The following UNC13D variants were observed in gnomAD, a reference collection of about 807,000 sequenced individuals.
UNC13D encodes the protein unc-13 homolog D.
Under a neutral mutation model 151.7 loss-of-function variants are expected in UNC13D, and 115 were observed. The ratio of observed to expected loss-of-function variants is 0.76; its 90% CI spans 0.65 to 0.88. The LOEUF (loss-of-function observed/expected upper bound fraction) is 0.88. Among genes scored for constraint, UNC13D ranks in the 40% least tolerant of loss-of-function variants. The pLI is 0.00. For synonymous variants in UNC13D, 588 were observed against 612.2 expected, an observed-to-expected ratio of 0.96 and a Z score of 0.58; for missense variants, 1,369 against 1,438.7, an observed-to-expected ratio of 0.95 and a Z score of 0.78.
At position 75,831,114 on chromosome 17, in the gene UNC13D, T is replaced by A; in HGVS notation, c.2609A>T (p.His870Leu). 6.2e-7 allele frequency: 1 copy of A among 1,613,974 alleles called. No homozygotes were observed. Among genetic ancestry groups the A allele is most frequent in the Non-Finnish European group, 8.5e-7 (1 of 1,180,026 alleles). Residue 870 changes from histidine (H) to leucine (L), a missense_variant, in exon 27 of 32, where the codon CAC becomes CTC. Around this residue, in one of 3 missense-constraint regions of UNC13D, gnomAD observed 807 missense variants for 795.5 expected, o/e 1.01. Transcript: ENST00000207549. ...AGCCCCTACCTGGAAGGTGGCAGTGTGCAGGGCCTTGGGTGGCAGGCCACA... is the reference window on the plus strand; with the variant it reads ...AGCCCCTACCTGGAAGGTGGCAGTGAGCAGGGCCTTGGGTGGCAGGCCACA... ...EGCGLPPKAL[H>L]TATFQALQRD...
At position 75,839,823 on chromosome 17, in the gene UNC13D, A is replaced by G. The variant is rs1453861468; in HGVS notation, c.1055+16T>C. ...GGCTGGTGGCTCAGGGGTTCTGCCCAGGGCTGTGTACTCACGCCATGGACT... is the reference window on the plus strand; with the variant it reads ...GGCTGGTGGCTCAGGGGTTCTGCCCGGGGCTGTGTACTCACGCCATGGACT... On this transcript the variant is annotated intron_variant, in intron 12 of 31. Transcript: ENST00000207549. The G allele has an allele frequency of 6.2e-7, 1 of 1,612,962 alleles. No homozygotes were observed. The highest frequency in any genetic ancestry group is 8.5e-7 in the Non-Finnish European group (1 of 1,179,732).
rs940690974 is a variant in UNC13D at position 75,830,950 on chromosome 17, T to C, written c.2625+148A>G. Reference sequence around the variant, plus strand: ...GTTTCAGGTTCTGTCGTCACCGTTCTAAAATTTGTAATAACTTTTGAATAA... The same window carrying C: ...GTTTCAGGTTCTGTCGTCACCGTTCCAAAATTTGTAATAACTTTTGAATAA... On this transcript the variant is annotated intron_variant, in intron 27 of 31. Coordinates refer to ENST00000207549, the MANE Select transcript of UNC13D (RefSeq NM_199242.3). The C allele has an allele frequency of 7.3e-6, 8 of 1,092,998 alleles. No individual in the cohort carries two copies. The African/African-American group carries it at 1.3e-4, about 18-fold the overall frequency. 67.7% of individuals were successfully genotyped at this position (1,092,998 alleles called of 1,614,324 possible). A position where few individuals can be genotyped will look rare whatever the true frequency, so the allele number is the denominator to read the frequency against.
chr17:75,828,028 A>T lies in UNC13D; in HGVS notation c.3210T>A (p.Phe1070Leu), dbSNP rs1257634826. 3.1e-6 allele frequency: 5 copies of T among 1,589,448 alleles called. No homozygotes were observed. In the South Asian group the frequency reaches 5.7e-5, roughly 18 times the overall value. ...TGGCCCGGTGCCGCCGCAGCCTCAC[A>T]AAGACCTGGGCTTCTCGGTCACCCT... ...GRKGDREAQVFVRLRRHRAKQ... is the reference protein window; with the variant it reads ...GRKGDREAQVLVRLRRHRAKQ... The change falls in exon 32 of 32, where the codon TTT becomes TTA. Residue 1070 changes from phenylalanine (F) to leucine (L), a missense_variant. This residue lies in a region of UNC13D where 807 missense variants were observed against 795.5 expected (regional missense o/e 1.01). Coordinates refer to ENST00000207549, the MANE Select transcript of UNC13D (RefSeq NM_199242.3).
In UNC13D at chr17:75,835,492, A is replaced by C; in HGVS notation, c.1765T>G (p.Phe589Val). Residue 589 changes from phenylalanine to valine, a missense_variant, in exon 20 of 32, where the codon TTC (phenylalanine) becomes GTC (valine). Phe to Val is a conservative substitution (Grantham distance 50). This residue lies in a region of UNC13D where 807 missense variants were observed against 795.5 expected (regional missense o/e 1.01). Transcript: ENST00000207549. Reference sequence around the variant, plus strand: ...AGCCAGGAGGGGATGGCCGGCTGGAACCAGCGGTGGAAATTATCCAGGGCC... The same window carrying C: ...AGCCAGGAGGGGATGGCCGGCTGGACCCAGCGGTGGAAATTATCCAGGGCC... ...VLALDNFHRWFQPAIPSWLQK... is the reference protein window; with the variant it reads ...VLALDNFHRWVQPAIPSWLQK... 6.2e-7 allele frequency: 1 copy of C among 1,610,932 alleles called. No individual in the cohort carries two copies. The highest frequency in any genetic ancestry group is 8.5e-7 in the Non-Finnish European group (1 of 1,178,780).
rs2064865797 is a variant in UNC13D, at chr17:75,830,671, C to A, written c.2626-10G>T. 2 of 1,553,248 alleles carry A rather than the reference C, an allele frequency of 1.3e-6. No individual in the cohort carries two copies. The highest frequency in any genetic ancestry group is 2.4e-5 in the South Asian group (2 of 84,280). On this transcript the variant is annotated splice_polypyrimidine_tract_variant and intron_variant, in intron 27 of 31. Coordinates refer to ENST00000207549, the MANE Select transcript of UNC13D (RefSeq NM_199242.3). Reference sequence around the variant, plus strand: ...GGTCCCTCTGCAGAGCCTGGGAACACATACAGCTGAGGATCCACCTGGACT... The same window carrying A: ...GGTCCCTCTGCAGAGCCTGGGAACAAATACAGCTGAGGATCCACCTGGACT...
intron 2 of UNC13D, 41 bp from the exon 3 acceptor site, chr17:75,843,307 C>A: frequency 6.2e-7 from 1 of 1,600,512 alleles, no homozygotes; most frequent in Non-Finnish European, 8.5e-7. Context: ...CACCAGCCAC[C>A]CCTGGCACCA....
chr17:75,830,177 T>C (rs1440593178), intron 29 of UNC13D, 26 bp from the exon 30 acceptor site: 4 of 1,581,094 alleles, frequency 2.5e-6, no homozygotes, highest in African/African-American at 1.4e-5. Context: ...GGAGTGTGCG[T>C]CAGCTGAGGG....
At position 75,836,902 on chromosome 17, in the gene UNC13D, T is replaced by C. The variant is rs570657599; in HGVS notation, c.1072A>G (p.Ser358Gly). ...AACTCCAGGCTCTGGTAGAGGCGGC[T>C]GTAGGCCAGCCACTGCCTGCAGGGG... ...HQSMAQWLAYSRLYQSLEFPS... is the reference protein window; with the variant it reads ...HQSMAQWLAYGRLYQSLEFPS... The change falls in exon 13 of 32, where the codon AGC becomes GGC. Residue 358 changes from serine to glycine, a missense_variant. Ser to Gly is a moderately conservative substitution (Grantham distance 56). Around this residue, in one of 3 missense-constraint regions of UNC13D, gnomAD observed 550 missense variants for 609.0 expected, o/e 0.90. Coordinates refer to ENST00000207549, the MANE Select transcript of UNC13D (RefSeq NM_199242.3). 131 of 1,612,688 alleles carry C rather than the reference T, an allele frequency of 8.1e-5. 2 individuals carry two copies. The South Asian group carries it at 1.3e-3, about 16-fold the overall frequency.
rs111889568 is a variant in UNC13D at position 75,835,556 on chromosome 17, G to C, written c.1728-27C>G. 552 of 1,601,866 alleles carry C rather than the reference G, an allele frequency of 3.4e-4. 3 individuals are homozygous for C. The African/African-American group carries it at 6.2e-3, about 18-fold the overall frequency. ...TGGGGATTGCCGGGGCTCAGCGTCG[G>C]GAAGGCTGGGGCCACCATGGACCCT... On this transcript the variant is annotated intron_variant, in intron 19 of 31. Coordinates refer to ENST00000207549, the MANE Select transcript of UNC13D (RefSeq NM_199242.3).
chr17:75,844,032 G>A, intron 1 of UNC13D, 189 bp downstream of exon 1: 1 of 1,434,068 alleles, frequency 7.0e-7, no homozygotes. Flanking sequence ...GGCCCACAGT[G>A]GCCCAGAGTC....
Position 75,843,259 on chromosome 17 carries a change from AG to A in UNC13D, c.160del (p.Leu54CysfsTer22), listed in dbSNP as rs1363960054. The A allele has an allele frequency of 6.2e-7, 1 of 1,607,162 alleles. No homozygotes were observed. On this transcript the variant is annotated frameshift_variant, in exon 3 of 32. Transcript: ENST00000207549. LOFTEE classifies it high-confidence loss of function. ...SHHFSPEQRA[L>X]LYEDALYTVL... ...AGTGTAGAGTGCGTCCTCGTAGAGC[AG>A]GGCCCGCTAAGACACACGGGGTCAC...
chr17:75,830,353 T>G lies in UNC13D; in HGVS notation c.2830+9A>C. ...CCATGGAGAGTGGCCAAAGGCAGCC[T>G]CCACTCACCATTGGAGTCCAGGGGC... On this transcript the variant is annotated intron_variant, in intron 29 of 31. Coordinates refer to ENST00000207549, the MANE Select transcript of UNC13D (RefSeq NM_199242.3). The G allele has an allele frequency of 6.3e-7, 1 of 1,592,636 alleles. No homozygotes were observed. Among genetic ancestry groups the G allele is most frequent in the South Asian group, 1.1e-5 (1 of 87,800 alleles).
Position 75,842,464 on chromosome 17 carries a change from G to A in UNC13D, c.538C>T (p.Leu180Phe). ...THRTQVITQT[L>F]NPVWDETFIL... ...AAGGTCTCGTCCCAGACGGGGTTGA[G>A]TGTCTGGGTGATGACCTGCGTGCGG... Residue 180 changes from leucine (L) to phenylalanine (F), a missense_variant, in exon 6 of 32, where the codon CTC becomes TTC. Around this residue, in one of 3 missense-constraint regions of UNC13D, gnomAD observed 550 missense variants for 609.0 expected, o/e 0.90. Transcript: ENST00000207549. The A allele has an allele frequency of 1.2e-6, 2 of 1,613,376 alleles. No homozygotes were observed. The highest frequency in any genetic ancestry group is 2.2e-5 in the South Asian group (2 of 91,062).
rs2064903706 is a variant in UNC13D, at chr17:75,835,746, A to T, written c.1628T>A (p.Val543Asp). ...CTCTGGGGACACTACATCACCCACA[A>T]CCGTCGTGTGGTCCTGCACCCGCTT... Reference protein sequence around the residue: ...VAKRVQDHTTVVGDVVSPEMG... With the variant: ...VAKRVQDHTTDVGDVVSPEMG... Residue 543 changes from valine (V) to aspartate (D), a missense_variant, in exon 19 of 32, where the codon GTT becomes GAT. Around this residue, in one of 3 missense-constraint regions of UNC13D, gnomAD observed 807 missense variants for 795.5 expected, o/e 1.01. Coordinates refer to ENST00000207549, the MANE Select transcript of UNC13D (RefSeq NM_199242.3). 3 of 1,613,704 alleles carry T rather than the reference A, an allele frequency of 1.9e-6. No homozygotes were observed. The African/African-American group carries it at 4.0e-5, about 22-fold the overall frequency.
rs984506758 is a variant in UNC13D, at chr17:75,833,543, A to G, written c.2368-498T>C. ...CATAGAGTTAACAGCTATAACTATC[A>G]CTATAGTTATGGATACTCACTATGT... On this transcript the variant is annotated intron_variant, in intron 24 of 31. Coordinates refer to ENST00000207549, the MANE Select transcript of UNC13D (RefSeq NM_199242.3). This position sits in a 1 kb window ranked among gnomAD's most constrained non-coding sequence, Gnocchi z 4.0. Among the ~76,000 whole-genome samples, 1 of 151,972 alleles carries G rather than the reference A, an allele frequency of 6.6e-6. No individual in the cohort carries two copies. Among genetic ancestry groups the G allele is most frequent in the African/African-American group, 2.4e-5 (1 of 41,246 alleles).
Position 75,844,386 on chromosome 17 carries a change from C to G in UNC13D, c.-49G>C. 3.2e-6 allele frequency: 5 copies of G among 1,558,158 alleles called. No homozygotes were observed. Among genetic ancestry groups the G allele is most frequent in the Non-Finnish European group, 4.3e-6 (5 of 1,150,370 alleles). ...GTCCGCTGGTGCTGGGTGAAGACAGCGAAGCCACAGGATTATGCAAAGAGC... is the reference window on the plus strand; with the variant it reads ...GTCCGCTGGTGCTGGGTGAAGACAGGGAAGCCACAGGATTATGCAAAGAGC... On this transcript the variant is annotated 5_prime_UTR_variant, in exon 1 of 32. Transcript: ENST00000207549.
rs1203270367 is a variant in UNC13D at position 75,836,589 on chromosome 17, C to T, written c.1281G>A (p.Arg427=). The change falls in exon 14 of 32, where the codon CGG becomes CGA. Residue 427 remains arginine (R), a synonymous_variant. Transcript: ENST00000207549. The stretch of plus-strand genomic sequence containing the variant: ...CCACTGACCTGAGAAGAGACTGCAG[C>T]CGGGCTGGGGAGTCCGAGACAGAGA... The part of the protein sequence containing the change: ...FPLSVSDSPA[R]LQSLLRVLVQ... 1.9e-6 allele frequency: 3 copies of T among 1,613,642 alleles called. No individual in the cohort carries two copies. The highest frequency in any genetic ancestry group is 2.5e-6 in the Non-Finnish European group (3 of 1,180,030).
intron 30 of UNC13D, among the ~76,000 whole-genome samples, chr17:75,829,361 TCTTGG>T (rs1376785686): frequency 1.3e-5 from 2 of 152,196 alleles, no homozygotes. Context: ...AGTGGCGCCA[TCTTGG>T]CTCACTACAA....
At chr17:75,837,678 T>C (rs1183705763) in intron 12 of UNC13D, among the ~76,000 whole-genome samples, 1 of 144,418 alleles carries the variant, frequency 6.9e-6, no homozygotes, top group Non-Finnish European at 1.5e-5. Context: ...CACTTGAACC[T>C]GGGAGGCAGA....
Sources: gnomAD v4.1 joint callset for allele counts (sites outside exome capture counted in the v4.1 genomes callset) on GRCh38, gnomAD v4.1.1 for gene constraint, gnomAD v4.1.1 regional missense constraint, Gnocchi (gnomAD v3.1) non-coding constraint, MANE v1.5 for transcripts, NCBI Gene and HGNC (gene_info 2026-07-23, HGNC 2026-07-21) for gene names.